NR3C2: variants seen among roughly 807,000 people sequenced by gnomAD.
NR3C2 encodes the protein nuclear receptor subfamily 3 group C member 2, also known as mineralocorticoid receptor.
Under a neutral mutation model 86.4 loss-of-function variants are expected in NR3C2, and 15 were observed. That is an observed-to-expected ratio of 0.17 (90% confidence interval 0.12 to 0.27). NR3C2 has a LOEUF of 0.27. NR3C2 is among the 10% of genes least tolerant of loss of function. The pLI, the probability that NR3C2 is intolerant of heterozygous loss-of-function variation, is 1.00. For missense variants in NR3C2, 960 were observed against 1,195.6 expected (o/e 0.80, Z 2.91); for synonymous variants, 458 against 450.5 (o/e 1.02, Z -0.21).
At chr4:148,204,256 C>A (rs1736887854) in intron 3 of NR3C2, among the ~76,000 whole-genome samples, 1 of 152,102 alleles carries the variant, frequency 6.6e-6, no homozygotes, top group South Asian at 2.1e-4. Flanking sequence ...AAGTTACTAA[C>A]AAGGAACAAG....
chr4:148,309,057 A>G lies in NR3C2; in HGVS notation c.1758-48940T>C, dbSNP rs546038893. 4.6e-5 allele frequency among the ~76,000 whole-genome samples: 7 copies of G among 152,260 alleles called. No individual in the cohort carries two copies. The East Asian group carries it at 1.4e-3, about 29-fold the overall frequency. On this transcript the variant is annotated intron_variant, in intron 2 of 8. Coordinates refer to ENST00000358102, the MANE Select transcript of NR3C2 (RefSeq NM_000901.5). ...TGAATGTTTTCAATACAAAAAAAAA[A>G]GTTTGAGATGATGGATATAATTACC...
chr4:148,339,922 A>C (rs1480435097), intron 2 of NR3C2, among the ~76,000 whole-genome samples: 1 of 152,180 alleles, frequency 6.6e-6, no homozygotes, highest in Non-Finnish European at 1.5e-5. Flanking sequence ...CAATTTAAAA[A>C]AGAAATTAAG....
At chr4:148,245,096 T>C (rs758787385) in intron 3 of NR3C2, among the ~76,000 whole-genome samples, 1 of 152,164 alleles carries the variant, frequency 6.6e-6, no homozygotes, top group East Asian at 1.9e-4. Flanking sequence ...GACATAAAAA[T>C]TATTATTCCC....
chr4:148,320,047 T>C (rs2149951123), intron 2 of NR3C2, among the ~76,000 whole-genome samples: 1 of 139,916 alleles, frequency 7.1e-6, no homozygotes. Context: ...TTGAAATACG[T>C]CCCATCATTA....
intron 3 of NR3C2, among the ~76,000 whole-genome samples, chr4:148,232,233 A>C (rs1239881136): frequency 1.3e-5 from 2 of 152,234 alleles, no homozygotes; most frequent in African/African-American, 4.8e-5. Flanking sequence ...ATCACTATGC[A>C]CGGCAGTGAT....
chr4:148,194,890 T>A, intron 3 of NR3C2, 28 bp from the exon 4 acceptor site: 1 of 1,443,162 alleles, frequency 6.9e-7, no homozygotes. Context: ...AAATAACTGT[T>A]AAAATAGAGT....
At chr4:148,279,141 T>G (rs1405155777) in intron 2 of NR3C2, among the ~76,000 whole-genome samples, 1 of 152,042 alleles carries the variant, frequency 6.6e-6, no homozygotes, top group Non-Finnish European at 1.5e-5. Context: ...CCAGCCCAGG[T>G]GACAGTTCAA....
chr4:148,151,454 C>T (rs1734099054), intron 6 of NR3C2, among the ~76,000 whole-genome samples: 1 of 152,182 alleles, frequency 6.6e-6, no homozygotes, highest in South Asian at 2.1e-4. Flanking sequence ...TAGAATTACT[C>T]TTTTTGATAA....
upstream of NR3C2, chr4:148,444,720 G>A (rs1016541300): frequency 2.0e-6 from 2 of 985,108 alleles, no homozygotes; most frequent in Admixed American, 6.2e-5. Context: ...CCTACAAGAG[G>A]CGGCGAGGCA....
chr4:148,417,524 T>C (rs937820926), intron 2 of NR3C2, among the ~76,000 whole-genome samples: 10 of 152,346 alleles, frequency 6.6e-5, no homozygotes, highest in African/African-American at 2.4e-4. Context: ...AATATGTTTT[T>C]ATCTTCATGC....
chr4:148,298,235 T>C (rs1742160217), intron 2 of NR3C2, among the ~76,000 whole-genome samples: 2 of 152,226 alleles, frequency 1.3e-5, no homozygotes, highest in South Asian at 2.1e-4. Context: ...AGAATGACTT[T>C]ATAGATGACA....
At chr4:148,082,049 C>T (rs1285048730) in intron 8 of NR3C2, among the ~76,000 whole-genome samples, 1 of 152,232 alleles carries the variant, frequency 6.6e-6, no homozygotes, top group Non-Finnish European at 1.5e-5. Flanking sequence ...ACCTGCAGCC[C>T]CAGGCCCTCT....
chr4:148,127,685 A>T (rs993685976), intron 6 of NR3C2, among the ~76,000 whole-genome samples: 1 of 152,226 alleles, frequency 6.6e-6, no homozygotes, highest in Non-Finnish European at 1.5e-5. Flanking sequence ...CAGAATAAAA[A>T]CTTTACTTTT....
At chr4:148,279,685 C>T (rs978633949) in intron 2 of NR3C2, among the ~76,000 whole-genome samples, 1 of 152,108 alleles carries the variant, frequency 6.6e-6, no homozygotes, top group Non-Finnish European at 1.5e-5. Context: ...TCAAATCAAG[C>T]ATTGCATACA....
In NR3C2 at chr4:148,080,715, A is replaced by ACAT. The variant is rs1486010266; in HGVS notation, c.*626_*628dup. ...ACTAGAAATCAAACCAAGGCATTTA[A>ACAT]CATCATCTTATCCATTCTAATTAAA... is the stretch of plus-strand genomic sequence containing the variant. On this transcript the variant is annotated 3_prime_UTR_variant, in exon 9 of 9. Transcript: ENST00000358102. The ACAT allele has an allele frequency of 2.9e-5, 9 of 309,414 alleles. No individual in the cohort carries two copies. Among genetic ancestry groups the ACAT allele is most frequent in the Admixed American group, 1.1e-4 (3 of 26,580 alleles). 19.2% of individuals were successfully genotyped at this position (309,414 alleles called of 1,614,324 possible).
At chr4:148,097,185 C>G (rs1731315627) in intron 8 of NR3C2, among the ~76,000 whole-genome samples, 1 of 152,166 alleles carries the variant, frequency 6.6e-6, no homozygotes, top group South Asian at 2.1e-4. Flanking sequence ...AGACGTCATG[C>G]AACTTAAAGG....
intron 2 of NR3C2, among the ~76,000 whole-genome samples, chr4:148,429,812 T>A (rs895413938): frequency 6.6e-6 from 1 of 152,212 alleles, no homozygotes; most frequent in African/African-American, 2.4e-5. Flanking sequence ...AATGGCTATA[T>A]TTAAATGTAA....
At chr4:148,256,599 C>T (rs992225784) in intron 3 of NR3C2, among the ~76,000 whole-genome samples, 12 of 152,062 alleles carry the variant, frequency 7.9e-5, no homozygotes, top group African/African-American at 1.2e-4. Context: ...TAGTGAGTGA[C>T]GTAAAAAATT....
chr4:148,247,835 T>C (rs1173252451), intron 3 of NR3C2, among the ~76,000 whole-genome samples: 3 of 152,034 alleles, frequency 2.0e-5, no homozygotes, highest in African/African-American at 7.2e-5. Context: ...CCATCATGTG[T>C]CTTCTCAGCA....
Sources: gnomAD v4.1 joint callset for allele counts (sites outside exome capture counted in the v4.1 genomes callset) on GRCh38, gnomAD v4.1.1 for gene constraint, MANE v1.5 for transcripts, NCBI Gene and HGNC (gene_info 2026-07-23, HGNC 2026-07-21) for gene names.